Variants in ANKS1B observed in about 807,000 individuals in gnomAD.
ANKS1B encodes the protein ankyrin repeat and sterile alpha motif domain-containing protein 1B.
A neutral mutation model predicts 148.3 loss-of-function variants in ANKS1B; 36 were observed. The observed-to-expected ratio is 0.24, with a 90% CI of 0.19 to 0.32. ANKS1B has a LOEUF of 0.32. Among genes scored for constraint, ANKS1B ranks in the 10% least tolerant of loss-of-function variants. The pLI is 1.00. For missense variants in ANKS1B, 1,157 were observed against 1,542.6 expected, an observed-to-expected ratio of 0.75 and a Z score of 4.19; for synonymous variants, 542 against 560.8, an observed-to-expected ratio of 0.97 and a Z score of 0.47.
chr12:99,804,199 G>A (rs1203795934), intron 4 of ANKS1B, among the ~76,000 whole-genome samples: 2 of 152,168 alleles, frequency 1.3e-5, no homozygotes, highest in African/African-American at 4.8e-5. Flanking sequence ...AAATATTACA[G>A]AAGTGTGAAA....
chr12:99,423,423 T>C (rs1315819823), intron 11 of ANKS1B, among the ~76,000 whole-genome samples: 6 of 152,130 alleles, frequency 3.9e-5, no homozygotes, highest in Non-Finnish European at 8.8e-5. Flanking sequence ...GAAGAGAGTG[T>C]GGCAATTCCT....
intron 8 of ANKS1B, among the ~76,000 whole-genome samples, chr12:99,717,747 G>A (rs1338820046): frequency 3.3e-5 from 5 of 151,874 alleles, no homozygotes; most frequent in Non-Finnish European, 7.4e-5. Context: ...AGGTAAGTCC[G>A]TCCCCTTCTT....
chr12:99,526,929 G>A (rs535143583), intron 9 of ANKS1B, among the ~76,000 whole-genome samples: 54 of 152,228 alleles, frequency 3.5e-4, no homozygotes, highest in African/African-American at 1.1e-3. Context: ...GACAAGTGTC[G>A]TTATAAAAAG....
chr12:99,297,375 C>G (rs1197581764), intron 12 of ANKS1B, among the ~76,000 whole-genome samples: 1 of 152,088 alleles, frequency 6.6e-6, no homozygotes, highest in African/African-American at 2.4e-5. Flanking sequence ...AACACAGATA[C>G]AAAACCTAAG....
intron 14 of ANKS1B, among the ~76,000 whole-genome samples, chr12:99,226,543 T>G (rs1393225147): frequency 1.3e-5 from 2 of 152,212 alleles, no homozygotes; most frequent in Non-Finnish European, 2.9e-5. Context: ...TATAATTATA[T>G]CACATCTACA....
At chr12:99,032,882 T>A (rs1262396162) in intron 17 of ANKS1B, among the ~76,000 whole-genome samples, 2 of 152,220 alleles carry the variant, frequency 1.3e-5, no homozygotes, top group African/African-American at 2.4e-5. Context: ...TTTCTCTGAT[T>A]ACATTTTAGT....
chr12:99,933,067 C>T lies in ANKS1B; in HGVS notation c.134+51037G>A, dbSNP rs2094665536. Among the ~76,000 whole-genome samples the T allele has an allele frequency of 2.0e-5, 3 of 152,036 alleles. No individual in the cohort carries two copies. In the South Asian group the frequency reaches 6.2e-4, roughly 31 times the overall value. On this transcript the variant is annotated intron_variant, in intron 1 of 26. Transcript: ENST00000683438. ...CTGGCACCTTTGTCAAAAATGAGTT[C>T]ACTGTAGGTGTGTGGATTTGTTTCT... is the stretch of plus-strand genomic sequence containing the variant.
intron 9 of ANKS1B, among the ~76,000 whole-genome samples, chr12:99,543,190 G>T (rs971578587): frequency 5.3e-5 from 8 of 151,968 alleles, no homozygotes; most frequent in Non-Finnish European, 1.2e-4. Context: ...CTCTAAAGAA[G>T]ATCTACAAAT....
intron 1 of ANKS1B, among the ~76,000 whole-genome samples, chr12:99,835,988 C>A (rs1376906835): frequency 6.6e-6 from 1 of 152,102 alleles, no homozygotes; most frequent in African/African-American, 2.4e-5. Flanking sequence ...CACATTGGAA[C>A]CCACATACTA....
chr12:99,118,189 A>C (rs1028756176), intron 15 of ANKS1B, among the ~76,000 whole-genome samples: 1 of 152,212 alleles, frequency 6.6e-6, no homozygotes, highest in Non-Finnish European at 1.5e-5. Context: ...TTCTAGAAAG[A>C]GTTAAATTTG....
At chr12:99,550,713 A>C (rs1596851594) in intron 9 of ANKS1B, among the ~76,000 whole-genome samples, 1 of 152,154 alleles carries the variant, frequency 6.6e-6, no homozygotes, top group Non-Finnish European at 1.5e-5. Flanking sequence ...ACTTAGGTCT[A>C]AGAACCCTCA....
chr12:98,755,772 A>G (rs1336366372), intron 25 of ANKS1B, among the ~76,000 whole-genome samples: 2 of 152,134 alleles, frequency 1.3e-5, no homozygotes. Flanking sequence ...ACATGACCCA[A>G]TATCTGTGCT....
At chr12:99,051,574 T>G (rs1006206037) in intron 17 of ANKS1B, among the ~76,000 whole-genome samples, 8 of 152,204 alleles carry the variant, frequency 5.3e-5, no homozygotes, top group Non-Finnish European at 7.3e-5. Context: ...AGAATTGAAA[T>G]CTTAGCCTGC....
intron 1 of ANKS1B, among the ~76,000 whole-genome samples, chr12:99,876,056 T>G (rs1050530132): frequency 6.6e-6 from 1 of 152,166 alleles, no homozygotes; most frequent in African/African-American, 2.4e-5. Flanking sequence ...ATATGTAAAC[T>G]GCTTCGATTG....
intron 10 of ANKS1B, among the ~76,000 whole-genome samples, chr12:99,473,874 C>G (rs1405326324): frequency 6.6e-6 from 1 of 152,036 alleles, no homozygotes; most frequent in African/African-American, 2.4e-5. Context: ...TGTGACATGT[C>G]ATGCTAAGCA....
chr12:98,836,736 T>G (rs2099365685), intron 17 of ANKS1B, among the ~76,000 whole-genome samples: 1 of 152,204 alleles, frequency 6.6e-6, no homozygotes, highest in Admixed American at 6.5e-5. Flanking sequence ...TTTTCGTTAC[T>G]GTTTGGGTTA....
chr12:99,778,296 T>C (rs900014296), intron 6 of ANKS1B, among the ~76,000 whole-genome samples: 1 of 151,990 alleles, frequency 6.6e-6, no homozygotes, highest in African/African-American at 2.4e-5. Context: ...TCACCTGCGT[T>C]CAGGAGTTGG....
intron 8 of ANKS1B, among the ~76,000 whole-genome samples, chr12:99,672,585 T>C (rs1468327458): frequency 6.6e-6 from 1 of 152,064 alleles, no homozygotes; most frequent in Non-Finnish European, 1.5e-5. Context: ...AGAACAATTC[T>C]GAAAGGTCAC....
chr12:99,224,101 A>ATT (rs978900749), intron 14 of ANKS1B, among the ~76,000 whole-genome samples: 5 of 148,620 alleles, frequency 3.4e-5, no homozygotes, highest in Non-Finnish European at 7.5e-5. Flanking sequence ...TATTTTTTAA[A>ATT]TTTTTTTTTT....
Sources: gnomAD v4.1 joint callset for allele counts (sites outside exome capture counted in the v4.1 genomes callset) on GRCh38, gnomAD v4.1.1 for gene constraint, MANE v1.5 for transcripts, NCBI Gene and HGNC (gene_info 2026-07-23, HGNC 2026-07-21) for gene names.